Variants in SNX29 observed in about 807,000 individuals in gnomAD.
The protein encoded by SNX29 is sorting nexin 29, also known as sorting nexin-29.
In SNX29, 78 loss-of-function variants were observed where a neutral mutation model predicts 102.1. The ratio of observed to expected loss-of-function variants is 0.76; its 90% CI spans 0.64 to 0.92. The LOEUF is 0.92. Among genes scored for constraint, SNX29 ranks in the 40% least tolerant of loss-of-function variants. The pLI is 0.00. For missense variants in SNX29, 1,280 were observed against 1,061.7 expected, an observed-to-expected ratio of 1.21 and a Z score of -2.86; for synonymous variants, 580 against 414.5, an observed-to-expected ratio of 1.40 and a Z score of -4.85.
At chr16:12,516,832 C>T (rs977428416) in intron 19 of SNX29, among the ~76,000 whole-genome samples, 112 of 152,296 alleles carry the variant, frequency 7.4e-4, no homozygotes, top group African/African-American at 2.6e-3. Flanking sequence ...TTGTCAGAAA[C>T]AAACCAGGAA....
intron 15 of SNX29, among the ~76,000 whole-genome samples, chr16:12,317,337 C>A (rs532631159): frequency 1.9e-4 from 29 of 152,332 alleles, no homozygotes; most frequent in Non-Finnish European, 3.1e-4. Flanking sequence ...CTCGTCTTCC[C>A]CCTGGCTTCT....
intron 13 of SNX29, among the ~76,000 whole-genome samples, chr16:12,166,232 T>C (rs1041102068): frequency 1.3e-5 from 2 of 152,172 alleles, no homozygotes; most frequent in African/African-American, 4.8e-5. Flanking sequence ...AGCAAAATAC[T>C]TGGGATACAG....
intron 16 of SNX29, among the ~76,000 whole-genome samples, chr16:12,359,117 C>T (rs915391657): frequency 2.6e-5 from 4 of 152,156 alleles, no homozygotes; most frequent in South Asian, 4.1e-4. Flanking sequence ...AAGTGAGGGG[C>T]GGTCTTGTGG....
chr16:12,563,442 G>A (rs562868263), intron 20 of SNX29, among the ~76,000 whole-genome samples: 3 of 152,218 alleles, frequency 2.0e-5, no homozygotes, highest in Non-Finnish European at 4.4e-5. Context: ...GTCCTTTGCA[G>A]GTAAATTTAG....
intron 15 of SNX29, among the ~76,000 whole-genome samples, chr16:12,325,267 A>G (rs920891393): frequency 1.3e-5 from 2 of 152,230 alleles, no homozygotes; most frequent in Non-Finnish European, 2.9e-5. Flanking sequence ...GGAATGTCAC[A>G]GACATTTATT....
intron 1 of SNX29, among the ~76,000 whole-genome samples, chr16:11,991,711 CTTTTTTTTTT>C (rs762156831): frequency 8.4e-6 from 1 of 118,354 alleles, no homozygotes; most frequent in Admixed American, 8.9e-5. Context: ...TGAGGCTAAT[CTTTTTTTTTT>C]TTTTTTTTTT....
chr16:12,536,663 C>G (rs942416097), intron 20 of SNX29, among the ~76,000 whole-genome samples: 1 of 152,104 alleles, frequency 6.6e-6, no homozygotes, highest in Admixed American at 6.6e-5. Context: ...TCCTTAGATC[C>G]AGGGAAGAGC....
intron 14 of SNX29, among the ~76,000 whole-genome samples, chr16:12,240,628 G>A (rs1324754336): frequency 3.7e-5 from 4 of 108,048 alleles, no homozygotes; most frequent in South Asian, 3.0e-4. Context: ...ACGGAGTCTC[G>A]CTCTGTCACC....
At chr16:12,019,491 C>T (rs185401008) in intron 3 of SNX29, among the ~76,000 whole-genome samples, 20 of 152,024 alleles carry the variant, frequency 1.3e-4, no homozygotes, top group Admixed American at 2.6e-4. Flanking sequence ...AAGAGTGAGC[C>T]ACCGCGCCTG....
intron 18 of SNX29, among the ~76,000 whole-genome samples, chr16:12,477,204 G>A (rs1022784063): frequency 1.3e-5 from 2 of 152,214 alleles, no homozygotes; most frequent in African/African-American, 4.8e-5. Context: ...TAGTGGGGCA[G>A]ATCTCAGCTC....
Position 12,573,193 on chromosome 16 carries a change from C to A in SNX29, c.*4564C>A, listed in dbSNP as rs1317427029. On this transcript the variant is annotated 3_prime_UTR_variant, in exon 21 of 21. Coordinates refer to ENST00000566228, the MANE Select transcript of SNX29 (RefSeq NM_032167.5). Reference sequence around the variant, plus strand: ...TAAGGGTGTAGCCATCCAGGGTCTCCCGGCTCTAGGCAGACCGGATCCCGC... The same window carrying A: ...TAAGGGTGTAGCCATCCAGGGTCTCACGGCTCTAGGCAGACCGGATCCCGC... The A allele has an allele frequency of 4.4e-6, 1 of 226,300 alleles. No individual in the cohort carries two copies. The highest frequency in any genetic ancestry group is 5.7e-5 in the Admixed American group (1 of 17,502). 14.0% of individuals were successfully genotyped at this position (226,300 alleles called of 1,614,324 possible).
chr16:12,522,723 C>A (rs1396888339), intron 19 of SNX29, among the ~76,000 whole-genome samples: 1 of 152,220 alleles, frequency 6.6e-6, no homozygotes, highest in Non-Finnish European at 1.5e-5. Flanking sequence ...GCATCCCCCA[C>A]CATGTTTCCT....
intron 16 of SNX29, chr16:12,374,954 T>G (rs2082819780): frequency 6.6e-6 from 1 of 152,144 alleles, no homozygotes; most frequent in Non-Finnish European, 1.5e-5. Flanking sequence ...AAGTAAATGT[T>G]ATAAGTGAAA....
At chr16:12,343,166 A>T (rs967649216) in intron 15 of SNX29, among the ~76,000 whole-genome samples, 7 of 152,190 alleles carry the variant, frequency 4.6e-5, no homozygotes, top group African/African-American at 1.7e-4. Context: ...GCCTCCACTG[A>T]TTTCTCAAGA....
intron 4 of SNX29, among the ~76,000 whole-genome samples, chr16:12,029,958 G>C (rs1213080833): frequency 1.3e-5 from 2 of 152,114 alleles, no homozygotes; most frequent in Admixed American, 1.3e-4. Flanking sequence ...TCAATTACAA[G>C]GTGATCGGGG....
intron 13 of SNX29, among the ~76,000 whole-genome samples, chr16:12,169,746 A>G (rs1430812021): frequency 1.3e-5 from 2 of 152,080 alleles, no homozygotes; most frequent in African/African-American, 4.8e-5. Context: ...CTGTAATGCC[A>G]GCTACTTTGG....
rs72638277 is a variant in SNX29, at chr16:12,538,702, C to T, written c.2318+13861C>T. On this transcript the variant is annotated intron_variant, in intron 20 of 20. Coordinates refer to ENST00000566228, the MANE Select transcript of SNX29 (RefSeq NM_032167.5). Reference sequence around the variant, plus strand: ...CTCCTCCCAGGACCAGTGGGCGAGCCTGGGCATGTACATCAGGGAGCACAG... The same window carrying T: ...CTCCTCCCAGGACCAGTGGGCGAGCTTGGGCATGTACATCAGGGAGCACAG... 7.9e-4 allele frequency among the ~76,000 whole-genome samples: 121 copies of T among 152,218 alleles called. No homozygotes were observed. In the East Asian group the frequency reaches 0.021, roughly 27 times the overall value.
At chr16:12,087,547 T>G in intron 11 of SNX29, 1 of 301,340 alleles carries the variant, frequency 3.3e-6, no homozygotes, top group East Asian at 8.3e-5. Context: ...CATTGAGCAG[T>G]GATCATGACA....
intron 19 of SNX29, among the ~76,000 whole-genome samples, chr16:12,514,545 A>G (rs1210798171): frequency 6.6e-6 from 1 of 152,158 alleles, no homozygotes; most frequent in Non-Finnish European, 1.5e-5. Flanking sequence ...TATCAGCTTC[A>G]TTCTTCTGAA....
Sources: gnomAD v4.1 joint callset for allele counts (sites outside exome capture counted in the v4.1 genomes callset) on GRCh38, gnomAD v4.1.1 for gene constraint, MANE v1.5 for transcripts, NCBI Gene and HGNC (gene_info 2026-07-23, HGNC 2026-07-21) for gene names.